The following TBC1D15 variants were observed in gnomAD, a reference collection of about 807,000 sequenced individuals.
TBC1D15 encodes the protein TBC1 domain family member 15.
Under a neutral mutation model 95.4 loss-of-function variants are expected in TBC1D15, and 39 were observed. The ratio of observed to expected loss-of-function variants is 0.41; its 90% CI spans 0.32 to 0.53. The LOEUF is 0.53. Among genes scored for constraint, TBC1D15 ranks in the 20% least tolerant of loss-of-function variants. The pLI is 0.29. For missense variants in TBC1D15, 733 were observed against 794.3 expected, an observed-to-expected ratio of 0.92 and a Z score of 0.93; for synonymous variants, 258 against 261.3, an observed-to-expected ratio of 0.99 and a Z score of 0.12.
intron 11 of TBC1D15, among the ~76,000 whole-genome samples, chr12:71,911,682 A>G (rs1314183615): frequency 1.3e-4 from 19 of 151,176 alleles, no homozygotes; most frequent in Admixed American, 9.2e-4. Flanking sequence ...TAAATGATGA[A>G]TTAATGGGTG....
At chr12:71,886,663 C>CAAGCT (rs1399142144) in intron 5 of TBC1D15, among the ~76,000 whole-genome samples, 1 of 152,194 alleles carries the variant, frequency 6.6e-6, no homozygotes, top group African/African-American at 2.4e-5. Context: ...TGGCAACAGG[C>CAAGCT]AAGCTGTTCA....
intron 11 of TBC1D15, among the ~76,000 whole-genome samples, chr12:71,912,352 C>T (rs17110387): frequency 2.0e-5 from 3 of 152,004 alleles, no homozygotes; most frequent in Admixed American, 1.3e-4. Context: ...TGAGAACCCA[C>T]GTGCCCTTTT....
intron 2 of TBC1D15, 112 bp downstream of exon 2, chr12:71,872,280 A>T: frequency 1.8e-6 from 1 of 545,554 alleles, no homozygotes; most frequent in Non-Finnish European, 3.1e-6. Flanking sequence ...ATGTAATTGA[A>T]CAGTAATTGT....
At chr12:71,881,916 C>CAAAAAAAAA (rs35977474) in intron 4 of TBC1D15, among the ~76,000 whole-genome samples, 1 of 53,602 alleles carries the variant, frequency 1.9e-5, no homozygotes, top group Non-Finnish European at 3.7e-5. Flanking sequence ...GACTCCGTCT[C>CAAAAAAAAA]AAAAAAAAAA....
intron 13 of TBC1D15, 99 bp from the exon 14 acceptor site, chr12:71,918,352 A>C (rs1232387864): frequency 1.7e-5 from 12 of 688,772 alleles, no homozygotes; most frequent in Non-Finnish European, 2.9e-5. Context: ...TAGGGCCTTG[A>C]ATTGCCTAAG....
intron 2 of TBC1D15, among the ~76,000 whole-genome samples, chr12:71,872,648 T>G (rs1892936377): frequency 6.6e-6 from 1 of 152,158 alleles, no homozygotes; most frequent in Non-Finnish European, 1.5e-5. Flanking sequence ...AAAAAAATCC[T>G]GAGTCAAACC....
At chr12:71,914,243 A>G (rs2139021924) in intron 12 of TBC1D15, among the ~76,000 whole-genome samples, 1 of 152,092 alleles carries the variant, frequency 6.6e-6, no homozygotes, top group Middle Eastern at 3.4e-3. Context: ...TTTGTGGAAT[A>G]GTTGAACTTT....
chr12:71,873,567 T>A (rs1161113676), intron 3 of TBC1D15, among the ~76,000 whole-genome samples: 1 of 152,204 alleles, frequency 6.6e-6, no homozygotes, highest in Non-Finnish European at 1.5e-5. Flanking sequence ...AACATGTTTT[T>A]ATTTCTCTTG....
At chr12:71,870,131 T>C (rs944382679) in intron 1 of TBC1D15, among the ~76,000 whole-genome samples, 3 of 152,198 alleles carry the variant, frequency 2.0e-5, no homozygotes, top group African/African-American at 7.2e-5. Flanking sequence ...ATCCATTTAA[T>C]CTGCCTCATC....
At chr12:71,917,475 G>T (rs925510479) in intron 12 of TBC1D15, among the ~76,000 whole-genome samples, 2 of 152,082 alleles carry the variant, frequency 1.3e-5, no homozygotes, top group African/African-American at 4.8e-5. Flanking sequence ...TAAGTCAAAT[G>T]AATAGAGGAA....
At chr12:71,848,717 A>C (rs1344767561) in intron 1 of TBC1D15, among the ~76,000 whole-genome samples, 1 of 152,122 alleles carries the variant, frequency 6.6e-6, no homozygotes, top group Non-Finnish European at 1.5e-5. Flanking sequence ...TTGTTTTTTA[A>C]AGCATAAACT....
rs192842336 is a variant in TBC1D15 at position 71,850,417 on chromosome 12, A to G, written c.30+10606A>G. On this transcript the variant is annotated intron_variant, in intron 1 of 16. Transcript: ENST00000485960. ...AGCTCCTTCTGAGCAGGTTGGCTGC[A>G]CAGCCACAGGCAGTCGCAGAGTTTT... 1.3e-3 allele frequency: 345 copies of G among 265,698 alleles called. 1 individual carries two copies. Among genetic ancestry groups the G allele is most frequent in the African/African-American group, 7.3e-3 (317 of 43,298 alleles). 16.5% of individuals were successfully genotyped at this position (265,698 alleles called of 1,614,324 possible).
intron 1 of TBC1D15, among the ~76,000 whole-genome samples, chr12:71,857,985 A>G (rs187076633): frequency 6.6e-6 from 1 of 152,206 alleles, no homozygotes; most frequent in African/African-American, 2.4e-5. Context: ...TATATCCTCA[A>G]TGCTCATCCA....
rs1428541764 is a variant in TBC1D15 at position 71,872,148 on chromosome 12, A to G, written c.109A>G (p.Ile37Val). Residue 37 changes from isoleucine to valine, a missense_variant, in exon 2 of 17, where the codon ATA becomes GTA. Transcript: ENST00000485960. ...TNDQDGLISG[I>V]LRVLEKDAEV... ...TGACCAAGACGGCTTGATTTCAGGA[A>G]TATTACGTGTTTTAGAAAAGGTAAG... 2 of 1,573,862 alleles carry G rather than the reference A, an allele frequency of 1.3e-6. No homozygotes were observed. The highest frequency in any genetic ancestry group is 2.7e-5 in the African/African-American group (2 of 73,050).
intron 9 of TBC1D15, among the ~76,000 whole-genome samples, chr12:71,897,476 T>TA (rs896419815): frequency 4.7e-4 from 71 of 151,532 alleles, no homozygotes; most frequent in South Asian, 1.0e-3. Context: ...TCACATTTTT[T>TA]AAAAAAAAAG....
chr12:71,884,879 A>G lies in TBC1D15; in HGVS notation c.412A>G (p.Ile138Val), dbSNP rs775389540. ...GTTCAGTTTGACAGACCTGAAATCA[A>G]TCAAGCAAAACAAAGAGGGTATGGG... Reference protein sequence around the residue: ...FLFSLTDLKSIKQNKEGMGWS... With the variant: ...FLFSLTDLKSVKQNKEGMGWS... The change falls in exon 5 of 17, where the codon ATC (isoleucine) becomes GTC (valine). Residue 138 changes from isoleucine to valine, a missense_variant. Physicochemically the swap from Ile to Val is conservative, Grantham distance 29. Coordinates refer to ENST00000485960, the MANE Select transcript of TBC1D15 (RefSeq NM_001146213.3). 14 of 1,613,970 alleles carry G rather than the reference A, an allele frequency of 8.7e-6. No homozygotes were observed. Among genetic ancestry groups the G allele is most frequent in the African/African-American group, 8.0e-5 (6 of 74,938 alleles).
intron 4 of TBC1D15, 137 bp from the exon 5 acceptor site, chr12:71,884,674 G>T (rs1895874829): frequency 1.5e-5 from 10 of 655,028 alleles, no homozygotes; most frequent in Non-Finnish European, 2.6e-5. Context: ...TCTAATACAG[G>T]TGGAAGCCAT....
At chr12:71,857,119 T>A (rs1889272324) in intron 1 of TBC1D15, among the ~76,000 whole-genome samples, 1 of 152,000 alleles carries the variant, frequency 6.6e-6, no homozygotes, top group Admixed American at 6.6e-5. Context: ...ATTTTTTTTC[T>A]TAAGAGATGG....
chr12:71,917,726 G>T lies in TBC1D15; in HGVS notation c.1430G>T (p.Gly477Val), dbSNP rs201144248. Reference sequence around the variant, plus strand: ...CAGAATTTTGAAGAACAAATGCAAGGCATGAAGACCCAGCTAATTCAGCTG... The same window carrying T: ...CAGAATTTTGAAGAACAAATGCAAGTCATGAAGACCCAGCTAATTCAGCTG... The part of the protein sequence containing the change: ...MHQNFEEQMQ[G>V]MKTQLIQLST... The change falls in exon 13 of 17, where the codon GGC becomes GTC. Residue 477 changes from glycine to valine, a missense_variant. By Grantham distance (109) the Gly-to-Val change is moderately radical (BLOSUM62 -3). Transcript: ENST00000485960. 8 of 1,611,878 alleles carry T rather than the reference G, an allele frequency of 5.0e-6. No individual in the cohort carries two copies. The highest frequency in any genetic ancestry group is 1.7e-5 in the Admixed American group (1 of 59,930).
Sources: gnomAD v4.1 joint callset for allele counts (sites outside exome capture counted in the v4.1 genomes callset) on GRCh38, gnomAD v4.1.1 for gene constraint, MANE v1.5 for transcripts, NCBI Gene and HGNC (gene_info 2026-07-23, HGNC 2026-07-21) for gene names.